CACNB2: variants seen among roughly 807,000 people sequenced by gnomAD.
CACNB2 encodes the protein calcium voltage-gated channel auxiliary subunit beta 2.
A neutral mutation model predicts 73.3 loss-of-function variants in CACNB2; 42 were observed. The ratio of observed to expected loss-of-function variants is 0.57; its 90% CI spans 0.45 to 0.74. The LOEUF is 0.74. Among genes scored for constraint, CACNB2 ranks in the 30% least tolerant of loss-of-function variants. CACNB2 has a pLI of 0.00. For missense variants in CACNB2, 940 were observed against 853.0 expected (o/e 1.10, Z -1.27); for synonymous variants, 348 against 310.3 (o/e 1.12, Z -1.28).
chr10:18,180,931 A>C (rs1458526935), intron 2 of CACNB2, among the ~76,000 whole-genome samples: 1 of 151,970 alleles, frequency 6.6e-6, no homozygotes, highest in Non-Finnish European at 1.5e-5. Flanking sequence ...ACACCACTGC[A>C]CTCCAGCCTG....
At chr10:18,322,380 T>A (rs2040428006) in intron 2 of CACNB2, among the ~76,000 whole-genome samples, 1 of 152,200 alleles carries the variant, frequency 6.6e-6, no homozygotes, top group Admixed American at 6.5e-5. Context: ...GAGCAGATAT[T>A]TTGTGGTTAA....
At chr10:18,461,304 C>T (rs1177285997) in intron 3 of CACNB2, among the ~76,000 whole-genome samples, 3 of 152,128 alleles carry the variant, frequency 2.0e-5, no homozygotes, top group Admixed American at 1.3e-4. Flanking sequence ...GTTATTCCAC[C>T]TTTATCTTTT....
chr10:18,260,538 C>T (rs970438048), intron 2 of CACNB2: 16 of 985,484 alleles, frequency 1.6e-5, no homozygotes, highest in Non-Finnish European at 1.8e-5. Flanking sequence ...ATGTGAAATA[C>T]CTACTGCAGG....
intron 2 of CACNB2, among the ~76,000 whole-genome samples, chr10:18,204,895 A>G (rs1259263758): frequency 6.6e-6 from 1 of 150,640 alleles, no homozygotes; most frequent in Non-Finnish European, 1.5e-5. Flanking sequence ...GCTTCATTTC[A>G]TTTTAATGCC....
At position 18,442,962 on chromosome 10, in the gene CACNB2, ATATATATG is replaced by A. The variant is rs1564553622; in HGVS notation, c.333+40921_333+40928del. ...TATATGTGTATATATATATATGTATATATATATGTGTATATATATATATGTATATATAT... is the reference window on the plus strand; with the variant it reads ...TATATGTGTATATATATATATGTATATGTATATATATATATGTATATATAT... On this transcript the variant is annotated intron_variant, in intron 3 of 13. Coordinates refer to ENST00000324631, the MANE Select transcript of CACNB2 (RefSeq NM_201596.3). 6.2e-3 allele frequency among the ~76,000 whole-genome samples: 173 copies of A among 28,056 alleles called. 14 individuals carry two copies. Among genetic ancestry groups the A allele is most frequent in the East Asian group, 0.013 (4 of 320 alleles). 18.4% of individuals were successfully genotyped at this position (28,056 alleles called of 152,430 possible). A position where few individuals can be genotyped will look rare whatever the true frequency, so the allele number is the denominator to read the frequency against.
intron 2 of CACNB2, among the ~76,000 whole-genome samples, chr10:18,391,376 G>T (rs1033928669): frequency 6.6e-6 from 1 of 152,156 alleles, no homozygotes; most frequent in African/African-American, 2.4e-5. Context: ...AAAATGGATC[G>T]GGAGAGCTTT....
chr10:18,500,271 A>C (rs555293809), intron 4 of CACNB2, among the ~76,000 whole-genome samples: 99 of 152,356 alleles, frequency 6.5e-4, no homozygotes, highest in African/African-American at 2.2e-3. Flanking sequence ...TTTAAGATAC[A>C]TATTCCACCT....
At chr10:18,217,095 G>A (rs2035542782) in intron 2 of CACNB2, among the ~76,000 whole-genome samples, 1 of 152,152 alleles carries the variant, frequency 6.6e-6, no homozygotes, top group Non-Finnish European at 1.5e-5. Flanking sequence ...GCATTGGTGA[G>A]CAAATATTTC....
Position 18,168,301 on chromosome 10 carries a change from G to A in CACNB2, c.213+17326G>A, listed in dbSNP as rs921031215. Among the ~76,000 whole-genome samples, 21 of 152,188 alleles carry A rather than the reference G, an allele frequency of 1.4e-4. 1 individual carries two copies. The highest frequency in any genetic ancestry group is 7.9e-4 in the Admixed American group (12 of 15,260). ...AATATAACTAAAAGAAAGCAAGCTT[G>A]GGAGGCTGTTAATGAGGCTGGAAGG... is the stretch of plus-strand genomic sequence containing the variant. On this transcript the variant is annotated intron_variant, in intron 2 of 13. Coordinates refer to ENST00000324631, the MANE Select transcript of CACNB2 (RefSeq NM_201596.3).
chr10:18,206,952 T>C (rs1327890362), intron 2 of CACNB2, among the ~76,000 whole-genome samples: 3 of 152,170 alleles, frequency 2.0e-5, no homozygotes, highest in Admixed American at 1.3e-4. Flanking sequence ...TACAATAAAA[T>C]ATTTTGAGGG....
At chr10:18,392,685 C>A (rs16917251) in intron 2 of CACNB2, among the ~76,000 whole-genome samples, 20,737 of 152,064 alleles carry the variant, frequency 0.14, 1,648 homozygotes, top group East Asian at 0.21. Flanking sequence ...AGTGTAGTGA[C>A]ATCCATGCAG....
chr10:18,159,229 C>T (rs1048995679), intron 2 of CACNB2, among the ~76,000 whole-genome samples: 14 of 151,968 alleles, frequency 9.2e-5, no homozygotes, highest in African/African-American at 3.4e-4. Context: ...AGTACATTGT[C>T]ATCTGAGCTT....
At chr10:18,306,353 A>G (rs1195256895) in intron 2 of CACNB2, among the ~76,000 whole-genome samples, 2 of 152,212 alleles carry the variant, frequency 1.3e-5, no homozygotes, top group African/African-American at 4.8e-5. Context: ...GGACAAATAC[A>G]GAGGTCTAGG....
intron 2 of CACNB2, among the ~76,000 whole-genome samples, chr10:18,392,940 G>A (rs753961939): frequency 8.5e-5 from 13 of 152,104 alleles, no homozygotes; most frequent in Non-Finnish European, 1.6e-4. Context: ...TGGATGCGGT[G>A]GCTCACACCT....
At chr10:18,356,901 A>T (rs1413264687) in intron 2 of CACNB2, among the ~76,000 whole-genome samples, 2 of 142,770 alleles carry the variant, frequency 1.4e-5, no homozygotes, top group South Asian at 4.7e-4. Context: ...AAGTGCTGGG[A>T]TTACAGGCTT....
At chr10:18,242,770 G>A (rs1260210023) in intron 2 of CACNB2, among the ~76,000 whole-genome samples, 2 of 151,334 alleles carry the variant, frequency 1.3e-5, no homozygotes, top group East Asian at 1.9e-4. Context: ...GGATCACGAG[G>A]TCAGGAGATT....
Position 18,413,526 on chromosome 10 carries a change from C to A in CACNB2, c.333+11483C>A, listed in dbSNP as rs191079694. ...GAGCTCCCAGTCTTTTCCTTTAAAC[C>A]CTTTCTTCTCTGCATTTTCCATTTC... On this transcript the variant is annotated intron_variant, in intron 3 of 13. Transcript: ENST00000324631. 4.6e-5 allele frequency among the ~76,000 whole-genome samples: 7 copies of A among 152,296 alleles called. No individual in the cohort carries two copies. The East Asian group carries it at 1.2e-3, about 25-fold the overall frequency.
At chr10:18,504,714 G>A (rs892506499) in intron 5 of CACNB2, among the ~76,000 whole-genome samples, 1 of 152,046 alleles carries the variant, frequency 6.6e-6, no homozygotes, top group Non-Finnish European at 1.5e-5. Flanking sequence ...GCGCAGTCTC[G>A]ACTCACTGCA....
intron 2 of CACNB2, among the ~76,000 whole-genome samples, chr10:18,232,663 G>A (rs894733564): frequency 2.6e-5 from 4 of 152,168 alleles, no homozygotes; most frequent in East Asian, 1.9e-4. Flanking sequence ...TCAGCTGTGC[G>A]TAAAATTTGC....
Sources: allele counts gnomAD v4.1 joint callset (sites outside exome capture counted in the v4.1 genomes callset), GRCh38; gene constraint gnomAD v4.1.1; transcripts MANE v1.5; gene names NCBI Gene and HGNC (gene_info 2026-07-23, HGNC 2026-07-21).